Variants in DPP6 observed in about 807,000 individuals in gnomAD.
DPP6 encodes dipeptidyl peptidase like 6.
Under a neutral mutation model 122.6 loss-of-function variants are expected in DPP6, and 69 were observed. The ratio of observed to expected loss-of-function variants is 0.56; its 90% CI spans 0.46 to 0.69. The LOEUF is 0.69. DPP6 is among the 30% of genes least tolerant of loss of function. The pLI is 0.00. For missense variants in DPP6, 928 were observed against 1,116.9 expected (o/e 0.83, Z 2.41); for synonymous variants, 418 against 433.1 (o/e 0.97, Z 0.43).
chr7:154,748,763 C>T (rs1207290537), intron 8 of DPP6, among the ~76,000 whole-genome samples: 1 of 152,130 alleles, frequency 6.6e-6, no homozygotes, highest in Non-Finnish European at 1.5e-5. Flanking sequence ...GCAGTGGATG[C>T]GCTGGTTGGA....
chr7:154,757,167 G>T (rs11760345), intron 8 of DPP6, among the ~76,000 whole-genome samples: 17,504 of 151,408 alleles, frequency 0.12, 1,180 homozygotes, highest in Admixed American at 0.18. Flanking sequence ...TGAGGAACTT[G>T]CCAGCCCCTT....
At chr7:153,952,618 A>C (rs1038086373) in intron 1 of DPP6, among the ~76,000 whole-genome samples, 5 of 152,236 alleles carry the variant, frequency 3.3e-5, no homozygotes, top group African/African-American at 9.6e-5. Context: ...CCAATGTCTT[A>C]TGAGCACCTT....
intron 1 of DPP6, among the ~76,000 whole-genome samples, chr7:154,301,257 G>T (rs915650765): frequency 2.6e-5 from 4 of 152,184 alleles, no homozygotes; most frequent in African/African-American, 9.7e-5. Flanking sequence ...TGAGCATGTA[G>T]TGTCTTTCTT....
chr7:154,542,427 T>C (rs184481722), intron 4 of DPP6, among the ~76,000 whole-genome samples: 1 of 152,336 alleles, frequency 6.6e-6, no homozygotes, highest in African/African-American at 2.4e-5. Flanking sequence ...CCTGTGAGGA[T>C]GTCAGTTTAG....
At chr7:154,537,114 C>T (rs117221356) in intron 3 of DPP6, among the ~76,000 whole-genome samples, 4,470 of 151,880 alleles carry the variant, frequency 0.029, 110 homozygotes, top group Admixed American at 0.057. Flanking sequence ...ATATATAAAA[C>T]GAAAACCACA....
intron 1 of DPP6, among the ~76,000 whole-genome samples, chr7:153,920,129 A>G (rs1290948437): frequency 6.6e-6 from 1 of 152,266 alleles, no homozygotes; most frequent in Non-Finnish European, 1.5e-5. Flanking sequence ...CTGTTGACAG[A>G]AAACTGTTCC....
chr7:154,323,938 A>T (rs1382941999), intron 1 of DPP6, among the ~76,000 whole-genome samples: 1 of 152,240 alleles, frequency 6.6e-6, no homozygotes, highest in Non-Finnish European at 1.5e-5. Flanking sequence ...CAAGTGAGAC[A>T]GTACAGGTGA....
chr7:154,866,831 T>A (rs1314095504), intron 17 of DPP6, among the ~76,000 whole-genome samples: 1 of 152,172 alleles, frequency 6.6e-6, no homozygotes, highest in African/African-American at 2.4e-5. Flanking sequence ...CCCCTGTTCC[T>A]CTACAGAAGG....
chr7:154,778,407 C>T (rs948457333), intron 10 of DPP6, among the ~76,000 whole-genome samples: 3 of 152,062 alleles, frequency 2.0e-5, no homozygotes, highest in Admixed American at 2.0e-4. Flanking sequence ...CATGACACCT[C>T]CATGCTGACC....
chr7:153,793,101 G>C, the DPP6 span, among the ~76,000 whole-genome samples: 1 of 152,096 alleles, frequency 6.6e-6, no homozygotes, highest in Admixed American at 6.6e-5. Flanking sequence ...ATTGATACCA[G>C]TACATTGGGG....
chr7:154,722,552 A>G (rs1841871216), intron 7 of DPP6, among the ~76,000 whole-genome samples: 1 of 152,256 alleles, frequency 6.6e-6, no homozygotes, highest in Non-Finnish European at 1.5e-5. Context: ...GATTTTTAAA[A>G]AATACATGAG....
chr7:154,525,487 C>T lies in DPP6; in HGVS notation c.458-15045C>T, dbSNP rs1381008264. On this transcript the variant is annotated intron_variant, in intron 3 of 25. Coordinates refer to ENST00000377770, the MANE Select transcript of DPP6 (RefSeq NM_130797.4). ...TGTCCATGATTAAAAATGTGGGTCT[C>T]TTTTCTCTTGTACAGAAAATCTTAG... is the stretch of plus-strand genomic sequence containing the variant. Among the ~76,000 whole-genome samples the T allele has an allele frequency of 4.6e-5, 7 of 152,170 alleles. No homozygotes were observed. The East Asian group carries it at 1.3e-3, about 29-fold the overall frequency.
chr7:154,268,651 A>G (rs1388671298), intron 1 of DPP6, among the ~76,000 whole-genome samples: 1 of 152,162 alleles, frequency 6.6e-6, no homozygotes, highest in African/African-American at 2.4e-5. Context: ...GTGTAGTTCA[A>G]ACTAGGAGAA....
intron 21 of DPP6, chr7:154,884,780 T>A (rs1411847276): frequency 6.6e-6 from 1 of 152,098 alleles, no homozygotes; most frequent in African/African-American, 2.4e-5. Flanking sequence ...CATACACACA[T>A]GCTCACATAT....
At chr7:154,580,035 G>A (rs1831946841) in intron 5 of DPP6, among the ~76,000 whole-genome samples, 1 of 152,004 alleles carries the variant, frequency 6.6e-6, no homozygotes, top group Admixed American at 6.6e-5. Flanking sequence ...AGCACCCTTG[G>A]TTTCTGGGCA....
At chr7:154,109,266 C>T (rs1209040020) in intron 1 of DPP6, among the ~76,000 whole-genome samples, 1 of 152,196 alleles carries the variant, frequency 6.6e-6, no homozygotes. Flanking sequence ...CTCTAGTATG[C>T]TGTTACTTTT....
intron 1 of DPP6, among the ~76,000 whole-genome samples, chr7:154,273,115 A>C (rs1003649098): frequency 2.0e-5 from 3 of 152,252 alleles, no homozygotes; most frequent in African/African-American, 7.2e-5. Flanking sequence ...CCATGAATAC[A>C]GCTGCTGCTC....
At chr7:154,721,037 A>G (rs924841521) in intron 7 of DPP6, among the ~76,000 whole-genome samples, 1 of 152,182 alleles carries the variant, frequency 6.6e-6, no homozygotes, top group Non-Finnish European at 1.5e-5. Flanking sequence ...GTTCTTCTGT[A>G]TGGGTCTCAT....
At chr7:154,498,412 T>A (rs1363036287) in intron 3 of DPP6, among the ~76,000 whole-genome samples, 1 of 152,174 alleles carries the variant, frequency 6.6e-6, no homozygotes, top group Admixed American at 6.5e-5. Flanking sequence ...GATCTCGGGT[T>A]ACTGCAACCT....
Sources: allele counts gnomAD v4.1 joint callset (sites outside exome capture counted in the v4.1 genomes callset), GRCh38; gene constraint gnomAD v4.1.1; transcripts MANE v1.5; gene names NCBI Gene and HGNC (gene_info 2026-07-23, HGNC 2026-07-21).